THSD4: variants seen among roughly 807,000 people sequenced by gnomAD.
THSD4 encodes the protein thrombospondin type 1 domain containing 4.
In THSD4, 69 loss-of-function variants were observed where a neutral mutation model predicts 119.0. That is an observed-to-expected ratio of 0.58 (90% CI 0.48 to 0.71). The LOEUF (loss-of-function observed/expected upper bound fraction) is 0.71, where lower values mean the gene tolerates loss of function less well. THSD4 is among the 30% of genes least tolerant of loss of function. The pLI is 0.00. For missense variants in THSD4, 1,393 were observed against 1,391.1 expected (o/e 1.00, Z -0.02); for synonymous variants, 524 against 540.4 (o/e 0.97, Z 0.42).
chr15:71,266,435 A>G (rs1169990202), intron 6 of THSD4, among the ~76,000 whole-genome samples: 2 of 152,172 alleles, frequency 1.3e-5, no homozygotes, highest in East Asian at 3.9e-4. Context: ...AAGGACGTCC[A>G]CGCAAAAACC....
chr15:71,764,366 AT>A (rs1449064625), intron 15 of THSD4, among the ~76,000 whole-genome samples: 1 of 152,278 alleles, frequency 6.6e-6, no homozygotes, highest in African/African-American at 2.4e-5. Flanking sequence ...CCATAAACTA[AT>A]GAAATGAACC....
chr15:71,704,601 A>C (rs1000924877), intron 8 of THSD4, among the ~76,000 whole-genome samples: 1 of 152,220 alleles, frequency 6.6e-6, no homozygotes, highest in African/African-American at 2.4e-5. Flanking sequence ...GCATGTCTTT[A>C]TTAGCAGCAT....
chr15:71,410,544 G>A (rs1173802308), intron 6 of THSD4, among the ~76,000 whole-genome samples: 2 of 152,194 alleles, frequency 1.3e-5, no homozygotes, highest in African/African-American at 4.8e-5. Context: ...GGAAGAACAG[G>A]AGGAAATGAG....
chr15:71,561,863 AACACACACACACACACACACAC>A (rs71154780), intron 7 of THSD4, among the ~76,000 whole-genome samples: 1,782 of 130,448 alleles, frequency 0.014, 28 homozygotes, highest in East Asian at 0.032. Flanking sequence ...TTTTAAAATA[AACACACACACACACACACACAC>A]ACACACACAC....
Position 71,426,365 on chromosome 15 carries a change from CTGTGTGTGTGTGTGTGTG to C in THSD4, c.1152+14566_1152+14583del, listed in dbSNP as rs199965138. Among the ~76,000 whole-genome samples the C allele has an allele frequency of 1.7e-4, 17 of 102,570 alleles. No homozygotes were observed. In the East Asian group the frequency reaches 2.5e-3, roughly 15 times the overall value. 67.3% of individuals were successfully genotyped at this position (102,570 alleles called of 152,430 possible). ...TGAATGTGTGCATTTGTAAGTATAG[CTGTGTGTGTGTGTGTGTG>C]TGTGTGTGTGTGTGTGTGTGTGTTC... is the stretch of plus-strand genomic sequence containing the variant. On this transcript the variant is annotated intron_variant, in intron 7 of 17. Coordinates refer to ENST00000261862, the MANE Select transcript of THSD4 (RefSeq NM_024817.3).
chr15:71,242,918 T>A lies in THSD4; in HGVS notation c.734T>A (p.Leu245Gln). The A allele has an allele frequency of 6.2e-7, 1 of 1,614,202 alleles. No individual in the cohort carries two copies. The highest frequency in any genetic ancestry group is 1.3e-5 in the African/African-American group (1 of 75,056). ...LQAAEAPIYQLPLTHDQGYPA... is the reference protein window; with the variant it reads ...LQAAEAPIYQQPLTHDQGYPA... ...GCTGCGGAGGCCCCCATCTACCAGC[T>A]ACCTTTGACCCATGATCAAGGCTAC... is the stretch of plus-strand genomic sequence containing the variant. The change falls in exon 5 of 18, where the codon CTA (leucine) becomes CAA (glutamine). Residue 245 changes from leucine to glutamine, a missense_variant. Physicochemically the swap from Leu to Gln is moderately radical, Grantham distance 113. Transcript: ENST00000261862.
intron 3 of THSD4, among the ~76,000 whole-genome samples, chr15:71,205,006 G>A (rs1596268033): frequency 6.6e-6 from 1 of 152,170 alleles, no homozygotes; most frequent in East Asian, 1.9e-4. Context: ...GTAGCCCATA[G>A]GGGTGTCCAG....
chr15:71,731,744 ACTGAACTCCAGC>A (rs1211755054), intron 10 of THSD4: 3 of 157,472 alleles, frequency 1.9e-5, no homozygotes, highest in Non-Finnish European at 4.2e-5. Context: ...TGATCAGACC[ACTGAACTCCAGC>A]CTGGACAACA....
At position 71,176,093 on chromosome 15, in the gene THSD4, C is replaced by A. The variant is rs1354626077; in HGVS notation, c.99+21161C>A. ...AACTGCATCAACTAATGAGCAAAATCACCAGCTAACATCATAATGACAGGA... is the reference window on the plus strand; with the variant it reads ...AACTGCATCAACTAATGAGCAAAATAACCAGCTAACATCATAATGACAGGA... On this transcript the variant is annotated intron_variant, in intron 3 of 17. Coordinates refer to ENST00000261862, the MANE Select transcript of THSD4 (RefSeq NM_024817.3). 2.5e-3 allele frequency among the ~76,000 whole-genome samples: 359 copies of A among 144,986 alleles called. 4 individuals carry two copies. Among genetic ancestry groups the A allele is most frequent in the African/African-American group, 8.3e-3 (322 of 38,718 alleles).
At chr15:71,187,805 C>T (rs1338230178) in intron 3 of THSD4, among the ~76,000 whole-genome samples, 1 of 152,210 alleles carries the variant, frequency 6.6e-6, no homozygotes, top group Admixed American at 6.5e-5. Flanking sequence ...CTCATCTACC[C>T]TACACAGCAC....
At chr15:71,637,033 C>T (rs1394598563) in intron 7 of THSD4, among the ~76,000 whole-genome samples, 3 of 152,014 alleles carry the variant, frequency 2.0e-5, no homozygotes, top group Non-Finnish European at 4.4e-5. Context: ...TACAGGCACA[C>T]GCCACCATAC....
At chr15:71,630,495 G>A (rs562561929) in intron 7 of THSD4, among the ~76,000 whole-genome samples, 8 of 152,306 alleles carry the variant, frequency 5.3e-5, no homozygotes, top group East Asian at 1.9e-4. Flanking sequence ...AATTAAAGAG[G>A]TGTGAGTGCT....
At chr15:71,336,821 ACAAACCTGT>A (rs1190275606) in intron 6 of THSD4, among the ~76,000 whole-genome samples, 4 of 152,256 alleles carry the variant, frequency 2.6e-5, no homozygotes, top group Admixed American at 6.5e-5. Context: ...AGAATGACAT[ACAAACCTGT>A]CAAACCTGTT....
intron 7 of THSD4, among the ~76,000 whole-genome samples, chr15:71,487,979 T>C (rs1175480100): frequency 1.3e-5 from 2 of 152,188 alleles, no homozygotes; most frequent in African/African-American, 4.8e-5. Flanking sequence ...TTATTCCTCC[T>C]CATCAAATTT....
chr15:71,736,517 G>A (rs1205331588), intron 10 of THSD4, among the ~76,000 whole-genome samples: 8 of 138,324 alleles, frequency 5.8e-5, no homozygotes, highest in Admixed American at 5.6e-4. Context: ...CTCTCTATCT[G>A]TGTCTCTGTC....
At chr15:71,676,097 A>G (rs1359705264) in intron 8 of THSD4, among the ~76,000 whole-genome samples, 1 of 152,240 alleles carries the variant, frequency 6.6e-6, no homozygotes, top group East Asian at 1.9e-4. Context: ...TTCTGGAACT[A>G]GCTTTTAAAA....
intron 3 of THSD4, among the ~76,000 whole-genome samples, chr15:71,200,092 G>A (rs919917205): frequency 3.9e-5 from 6 of 152,102 alleles, no homozygotes; most frequent in Non-Finnish European, 7.4e-5. Flanking sequence ...CAGAGTGCTA[G>A]GGGTGGTGGA....
intron 6 of THSD4, among the ~76,000 whole-genome samples, chr15:71,396,268 TAC>T (rs1423603269): frequency 1.3e-5 from 2 of 151,664 alleles, no homozygotes; most frequent in African/African-American, 2.4e-5. Flanking sequence ...CATATGCATG[TAC>T]ACACATAAAA....
At chr15:71,547,640 A>C (rs2048858050) in intron 7 of THSD4, 3 of 809,076 alleles carry the variant, frequency 3.7e-6, no homozygotes, top group Non-Finnish European at 5.5e-6. Context: ...TTCTTATATG[A>C]AGACTTCTTT....
Sources: gnomAD v4.1 joint callset for allele counts (sites outside exome capture counted in the v4.1 genomes callset) on GRCh38, gnomAD v4.1.1 for gene constraint, MANE v1.5 for transcripts, NCBI Gene and HGNC (gene_info 2026-07-23, HGNC 2026-07-21) for gene names.